The following PRKN variants were observed in gnomAD, a reference collection of about 807,000 sequenced individuals.
PRKN encodes E3 ubiquitin-protein ligase parkin.
A neutral mutation model predicts 59.5 loss-of-function variants in PRKN; 56 were observed. The observed-to-expected ratio is 0.94, with a 90% CI of 0.76 to 1.18. The LOEUF (loss-of-function observed/expected upper bound fraction) is 1.18, where lower values mean the gene tolerates loss of function less well. Among genes scored for constraint, PRKN ranks in the 50% most tolerant of loss-of-function variants. The probability of loss-of-function intolerance (pLI) is 0.00; values close to 1 mark genes in which losing one functional copy is unlikely to be tolerated. For synonymous variants in PRKN, 250 were observed against 222.1 expected (o/e 1.13, Z -1.12); for missense variants, 657 against 596.4 (o/e 1.10, Z -1.06).
At chr6:161,805,479 CATGCATGT>C (rs562125899) in intron 6 of PRKN, among the ~76,000 whole-genome samples, 3 of 4,464 alleles carry the variant, frequency 6.7e-4, no homozygotes, top group African/African-American at 7.5e-4. Flanking sequence ...CACACACACA[CATGCATGT>C]ACACACACAT....
At chr6:162,067,096 T>C (rs754410642) in intron 4 of PRKN, among the ~76,000 whole-genome samples, 1 of 152,172 alleles carries the variant, frequency 6.6e-6, no homozygotes, top group Non-Finnish European at 1.5e-5. Flanking sequence ...ATATACATAG[T>C]GCATCTTGAA....
chr6:162,256,075 T>C (rs566175355), intron 3 of PRKN, among the ~76,000 whole-genome samples: 7 of 152,082 alleles, frequency 4.6e-5, no homozygotes, highest in Non-Finnish European at 1.0e-4. Context: ...TGAGGAAGAA[T>C]TGTAAGATCT....
At chr6:161,891,408 T>C (rs1165608795) in intron 6 of PRKN, among the ~76,000 whole-genome samples, 1 of 152,242 alleles carries the variant, frequency 6.6e-6, no homozygotes, top group African/African-American at 2.4e-5. Flanking sequence ...TGAGTTCTGC[T>C]AGTTTCTGTT....
chr6:161,516,246 G>C (rs1490037569), intron 9 of PRKN, among the ~76,000 whole-genome samples: 1 of 151,868 alleles, frequency 6.6e-6, no homozygotes. Context: ...CCAGGAGTTT[G>C]AGACCAGCCT....
At chr6:161,965,239 AC>A (rs1438550717) in intron 6 of PRKN, among the ~76,000 whole-genome samples, 2 of 152,208 alleles carry the variant, frequency 1.3e-5, no homozygotes, top group Middle Eastern at 3.4e-3. Context: ...TTATTTTAGG[AC>A]AAATTTGAAG....
rs1321394184 is a variant in PRKN, at chr6:162,564,207, T to C, written c.8-120734A>G. The stretch of plus-strand genomic sequence containing the variant: ...AAAAAATACAAAAATTAGCCAGGTG[T>C]GGTGGTGGGTGCCTGTAATCCCAGC... On this transcript the variant is annotated intron_variant, in intron 1 of 11. Coordinates refer to ENST00000366898, the MANE Select transcript of PRKN (RefSeq NM_004562.3). 2.0e-5 allele frequency among the ~76,000 whole-genome samples: 3 copies of C among 151,506 alleles called. No homozygotes were observed. In the East Asian group the frequency reaches 5.8e-4, roughly 29 times the overall value.
chr6:161,858,317 T>G (rs1562341579), intron 6 of PRKN, among the ~76,000 whole-genome samples: 2 of 152,206 alleles, frequency 1.3e-5, no homozygotes, highest in African/African-American at 2.4e-5. Context: ...CACTGGCTGT[T>G]AGGTTACAGA....
At chr6:162,425,832 C>T (rs1409212961) in intron 2 of PRKN, among the ~76,000 whole-genome samples, 1 of 152,156 alleles carries the variant, frequency 6.6e-6, no homozygotes, top group Non-Finnish European at 1.5e-5. Flanking sequence ...TTTGATGACA[C>T]TGGTGTATAT....
intron 1 of PRKN, among the ~76,000 whole-genome samples, chr6:162,659,133 A>G (rs1248019918): frequency 6.6e-6 from 1 of 152,142 alleles, no homozygotes; most frequent in Non-Finnish European, 1.5e-5. Context: ...AAATGTTATA[A>G]TACCTTTCTT....
At chr6:162,225,846 A>G (rs1778144470) in intron 3 of PRKN, among the ~76,000 whole-genome samples, 1 of 151,298 alleles carries the variant, frequency 6.6e-6, no homozygotes, top group Non-Finnish European at 1.5e-5. Flanking sequence ...ACTAATGTAA[A>G]CTGCTGGCTA....
intron 1 of PRKN, among the ~76,000 whole-genome samples, chr6:162,647,949 C>CAAAAAA (rs398003250): frequency 0.045 from 3,407 of 75,648 alleles, 906 homozygotes; most frequent in Non-Finnish European, 0.059. Flanking sequence ...GTCCACAGTG[C>CAAAAAA]AAAAAAAAAA....
chr6:162,213,943 T>C (rs1378991995), intron 3 of PRKN, among the ~76,000 whole-genome samples: 1 of 151,716 alleles, frequency 6.6e-6, no homozygotes, highest in East Asian at 1.9e-4. Context: ...CACTTTCCCA[T>C]GATCCTGTGT....
chr6:162,455,808 A>T (rs1790843816), intron 1 of PRKN, among the ~76,000 whole-genome samples: 1 of 152,178 alleles, frequency 6.6e-6, no homozygotes, highest in Non-Finnish European at 1.5e-5. Context: ...TATTGACAAA[A>T]GTGTATTAAA....
At chr6:161,870,227 A>G (rs1341834759) in intron 6 of PRKN, among the ~76,000 whole-genome samples, 1 of 152,036 alleles carries the variant, frequency 6.6e-6, no homozygotes, top group African/African-American at 2.4e-5. Context: ...CAGAGTGCCT[A>G]CAATTGGGAA....
chr6:162,003,255 A>T (rs1403257996), intron 5 of PRKN, among the ~76,000 whole-genome samples: 1 of 151,254 alleles, frequency 6.6e-6, no homozygotes, highest in Admixed American at 6.6e-5. Flanking sequence ...TGGCGAGTAG[A>T]TGGGTTATAA....
chr6:162,140,188 T>C (rs1340664070), intron 4 of PRKN, among the ~76,000 whole-genome samples: 1 of 152,216 alleles, frequency 6.6e-6, no homozygotes, highest in African/African-American at 2.4e-5. Context: ...TTTCGCACTC[T>C]AAAATCCAAC....
At chr6:161,895,797 G>A (rs1268737107) in intron 6 of PRKN, among the ~76,000 whole-genome samples, 1 of 152,110 alleles carries the variant, frequency 6.6e-6, no homozygotes, top group Admixed American at 6.5e-5. Context: ...AATATCTGTT[G>A]AACAAACAAT....
At chr6:162,149,925 T>A (rs1209785982) in intron 4 of PRKN, among the ~76,000 whole-genome samples, 4 of 152,146 alleles carry the variant, frequency 2.6e-5, no homozygotes, top group Non-Finnish European at 5.9e-5. Flanking sequence ...TAAACCCCCA[T>A]GAATGAATGT....
At chr6:161,643,791 A>AT (rs547631313) in intron 7 of PRKN, among the ~76,000 whole-genome samples, 6 of 152,084 alleles carry the variant, frequency 3.9e-5, no homozygotes, top group South Asian at 2.1e-4. Context: ...AACAAGTAAA[A>AT]TTTTTTTTAA....
Sources: allele counts gnomAD v4.1 joint callset (sites outside exome capture counted in the v4.1 genomes callset), GRCh38; gene constraint gnomAD v4.1.1; transcripts MANE v1.5; gene names NCBI Gene and HGNC (gene_info 2026-07-23, HGNC 2026-07-21).